Variants in SGCZ observed in about 807,000 individuals in gnomAD.
SGCZ encodes the protein sarcoglycan zeta.
A neutral mutation model predicts 41.3 loss-of-function variants in SGCZ; 40 were observed. That is an observed-to-expected ratio of 0.97 (90% CI 0.75 to 1.26). The LOEUF (loss-of-function observed/expected upper bound fraction) is 1.26. Among genes scored for constraint, SGCZ ranks in the 50% most tolerant of loss-of-function variants. SGCZ has a pLI of 0.00. For synonymous variants in SGCZ, 206 were observed against 137.5 expected, an observed-to-expected ratio of 1.50 and a Z score of -3.49; for missense variants, 552 against 369.8, an observed-to-expected ratio of 1.49 and a Z score of -4.04.
chr8:15,226,379 A>T (rs1017416904), intron 1 of SGCZ, among the ~76,000 whole-genome samples: 1 of 152,208 alleles, frequency 6.6e-6, no homozygotes, highest in African/African-American at 2.4e-5. Context: ...CAAGAGTGTA[A>T]CTCAAAGATT....
rs527311643 is a variant in SGCZ, at chr8:14,766,716, C to T, written c.40-211790G>A. ...AGCTGGGACCACAGGCACCTGTCACCATGTCCAGCTATTTTTTTTTTTTTT... is the reference window on the plus strand; with the variant it reads ...AGCTGGGACCACAGGCACCTGTCACTATGTCCAGCTATTTTTTTTTTTTTT... On this transcript the variant is annotated intron_variant, in intron 1 of 7. Transcript: ENST00000382080. 1.6e-4 allele frequency among the ~76,000 whole-genome samples: 24 copies of T among 148,814 alleles called. No homozygotes were observed. The East Asian group carries it at 4.0e-3, about 25-fold the overall frequency.
At chr8:15,059,396 T>C (rs922303205) in intron 1 of SGCZ, among the ~76,000 whole-genome samples, 3 of 152,196 alleles carry the variant, frequency 2.0e-5, no homozygotes, top group Non-Finnish European at 2.9e-5. Flanking sequence ...ATAAGTTTAC[T>C]TTTTAGTGAA....
chr8:14,148,944 C>T (rs1585179451), intron 5 of SGCZ, among the ~76,000 whole-genome samples: 1 of 152,040 alleles, frequency 6.6e-6, no homozygotes, highest in Non-Finnish European at 1.5e-5. Context: ...ACCACATGAT[C>T]CTATCAATAG....
chr8:14,205,652 GT>G (rs764508857), intron 4 of SGCZ, among the ~76,000 whole-genome samples: 1 of 152,024 alleles, frequency 6.6e-6, no homozygotes, highest in Non-Finnish European at 1.5e-5. Context: ...TTTGTTTGGG[GT>G]TTTGTTTTGT....
chr8:14,191,477 G>T (rs1384653892), intron 4 of SGCZ, among the ~76,000 whole-genome samples: 5 of 152,148 alleles, frequency 3.3e-5, no homozygotes, highest in Admixed American at 2.0e-4. Context: ...CTTAGGTATA[G>T]ATCTTTAATC....
intron 3 of SGCZ, among the ~76,000 whole-genome samples, chr8:14,306,541 T>A (rs904042816): frequency 1.3e-5 from 2 of 152,174 alleles, no homozygotes; most frequent in African/African-American, 4.8e-5. Context: ...TGATTCTACT[T>A]CCCTGGTTTA....
intron 1 of SGCZ, among the ~76,000 whole-genome samples, chr8:14,795,772 A>G (rs996625682): frequency 6.6e-6 from 1 of 152,098 alleles, no homozygotes; most frequent in Non-Finnish European, 1.5e-5. Flanking sequence ...TTTATCACCC[A>G]GGTTTTAAGC....
chr8:14,517,868 T>G (rs988910189), intron 2 of SGCZ, among the ~76,000 whole-genome samples: 4 of 151,858 alleles, frequency 2.6e-5, no homozygotes, highest in Non-Finnish European at 4.4e-5. Flanking sequence ...ATCATATTTT[T>G]AAATCTCTTT....
In SGCZ at chr8:15,123,621, C is replaced by A. The variant is rs138453501; in HGVS notation, c.39+113964G>T. On this transcript the variant is annotated intron_variant, in intron 1 of 7. Coordinates refer to ENST00000382080, the MANE Select transcript of SGCZ (RefSeq NM_139167.4). ...ACCTGGGTGTCTTAATAATCTCATG[C>A]TTTTCACATTTTTTATCCCATCAAT... Among the ~76,000 whole-genome samples, 125 of 152,288 alleles carry A rather than the reference C, an allele frequency of 8.2e-4. 1 individual carries two copies. The highest frequency in any genetic ancestry group is 3.0e-3 in the African/African-American group (124 of 41,568).
chr8:14,655,940 C>A (rs539126952), intron 1 of SGCZ, among the ~76,000 whole-genome samples: 1 of 152,042 alleles, frequency 6.6e-6, no homozygotes, highest in Non-Finnish European at 1.5e-5. Context: ...AAGTATTGCT[C>A]CTTTTTATTG....
Position 14,223,637 on chromosome 8 carries a change from G to A in SGCZ, c.424+13955C>T, listed in dbSNP as rs141011716. Among the ~76,000 whole-genome samples, 1,325 of 152,202 alleles carry A rather than the reference G, an allele frequency of 8.7e-3. 9 individuals carry two copies. The highest frequency in any genetic ancestry group is 0.014 in the Non-Finnish European group (931 of 67,998). Reference sequence around the variant, plus strand: ...TCAGTTATTTGTTAAAGGGACAGATGCTATAGGTAATTTAATGCTGCTTAG... The same window carrying A: ...TCAGTTATTTGTTAAAGGGACAGATACTATAGGTAATTTAATGCTGCTTAG... On this transcript the variant is annotated intron_variant, in intron 4 of 7. Coordinates refer to ENST00000382080, the MANE Select transcript of SGCZ (RefSeq NM_139167.4).
intron 4 of SGCZ, among the ~76,000 whole-genome samples, chr8:14,182,439 C>G (rs78644511): frequency 1.3e-5 from 2 of 152,122 alleles, no homozygotes; most frequent in South Asian, 4.1e-4. Flanking sequence ...CAGGAGGCAG[C>G]GAGGATCTCC....
Position 14,085,046 on chromosome 8 carries a change from C to T in SGCZ, c.*5397G>A, listed in dbSNP as rs1014300164. On this transcript the variant is annotated 3_prime_UTR_variant, in exon 8 of 8. Transcript: ENST00000382080. ...GCATTTTCTCTCCCCCAAAATATAC[C>T]CCAATTAAGTTCCATCTAAACAAAA... is the stretch of plus-strand genomic sequence containing the variant. Among the ~76,000 whole-genome samples, 2 of 151,496 alleles carry T rather than the reference C, an allele frequency of 1.3e-5. No homozygotes were observed. Among genetic ancestry groups the T allele is most frequent in the Non-Finnish European group, 3.0e-5 (2 of 67,758 alleles).
intron 1 of SGCZ, among the ~76,000 whole-genome samples, chr8:15,021,247 T>C (rs1218512775): frequency 1.3e-5 from 2 of 152,216 alleles, no homozygotes; most frequent in Non-Finnish European, 2.9e-5. Flanking sequence ...AAGTGCAATT[T>C]ATGTTTTGCT....
At chr8:14,994,055 G>A (rs888772615) in intron 1 of SGCZ, among the ~76,000 whole-genome samples, 6 of 152,170 alleles carry the variant, frequency 3.9e-5, no homozygotes, top group African/African-American at 1.4e-4. Context: ...TGGAGGTAAT[G>A]AGAAGTGATT....
At chr8:14,694,834 G>C (rs1808906133) in intron 1 of SGCZ, among the ~76,000 whole-genome samples, 1 of 152,086 alleles carries the variant, frequency 6.6e-6, no homozygotes, top group Non-Finnish European at 1.5e-5. Flanking sequence ...TATTTGCTCA[G>C]AAATATTGTC....
At chr8:14,251,650 T>C (rs1440302129) in intron 3 of SGCZ, among the ~76,000 whole-genome samples, 1 of 152,228 alleles carries the variant, frequency 6.6e-6, no homozygotes, top group Non-Finnish European at 1.5e-5. Flanking sequence ...TAGTATTATA[T>C]AAAAACATTG....
Position 14,164,546 on chromosome 8 carries a change from G to T in SGCZ, c.547+34C>A, listed in dbSNP as rs374565268. ...GTGCAGTTGTATATTCTTTAAAGAA[G>T]TAAACAATTTTTCAAGACCTCCATC... On this transcript the variant is annotated intron_variant, in intron 5 of 7. Transcript: ENST00000382080. The T allele has an allele frequency of 6.8e-6, 11 of 1,611,190 alleles. No individual in the cohort carries two copies. In the African/African-American group the frequency reaches 1.3e-4, roughly 20 times the overall value.
chr8:14,790,472 T>A (rs1800914313), intron 1 of SGCZ, among the ~76,000 whole-genome samples: 1 of 152,192 alleles, frequency 6.6e-6, no homozygotes, highest in African/African-American at 2.4e-5. Flanking sequence ...AAAATGTTTA[T>A]AATCTAACCC....
Sources: allele counts gnomAD v4.1 joint callset (sites outside exome capture counted in the v4.1 genomes callset), GRCh38; gene constraint gnomAD v4.1.1; transcripts MANE v1.5; gene names NCBI Gene and HGNC (gene_info 2026-07-23, HGNC 2026-07-21).